ERCC6L2: variants seen among roughly 807,000 people sequenced by gnomAD.
ERCC6L2 encodes the protein ERCC excision repair 6 like 2, also known as DNA excision repair protein ERCC-6-like 2.
ERCC6L2 carries 77 observed loss-of-function variants against 132.0 expected under a neutral mutation model. That is an observed-to-expected ratio of 0.58 (90% confidence interval 0.49 to 0.71). The LOEUF (loss-of-function observed/expected upper bound fraction) is 0.71, where lower values mean the gene tolerates loss of function less well. Among genes scored for constraint, ERCC6L2 ranks in the 30% least tolerant of loss-of-function variants. The pLI is 0.00. For synonymous variants in ERCC6L2, 583 were observed against 632.4 expected, an observed-to-expected ratio of 0.92 and a Z score of 1.17; for missense variants, 1,542 against 1,837.6, an observed-to-expected ratio of 0.84 and a Z score of 2.94.
rs190694873 is a variant in ERCC6L2, at chr9:95,927,300, A to G, written c.1534-779A>G. Among the ~76,000 whole-genome samples, 64 of 152,260 alleles carry G rather than the reference A, an allele frequency of 4.2e-4. No homozygotes were observed. In the East Asian group the frequency reaches 5.8e-3, roughly 14 times the overall value. Reference sequence around the variant, plus strand: ...TTATTTAAAAGCTTAAATGTTTATCATTAAATAAATTGTTTTAGTGTTTGT... The same window carrying G: ...TTATTTAAAAGCTTAAATGTTTATCGTTAAATAAATTGTTTTAGTGTTTGT... On this transcript the variant is annotated intron_variant, in intron 9 of 18. Coordinates refer to ENST00000653738, the MANE Select transcript of ERCC6L2 (RefSeq NM_020207.7).
At chr9:95,931,477 C>T (rs542238592) in intron 11 of ERCC6L2, among the ~76,000 whole-genome samples, 1 of 152,056 alleles carries the variant, frequency 6.6e-6, no homozygotes, top group Non-Finnish European at 1.5e-5. Context: ...CTTTGTTTTC[C>T]TAGGAAATAT....
intron 19 of ERCC6L2, among the ~76,000 whole-genome samples, chr9:96,035,235 G>A (rs572536441): frequency 3.3e-5 from 5 of 152,278 alleles, no homozygotes; most frequent in South Asian, 2.1e-4. Flanking sequence ...AGAAGGGGGC[G>A]GGTCCCAGTA....
chr9:96,000,990 C>T (rs1326856985), intron 17 of ERCC6L2, among the ~76,000 whole-genome samples: 1 of 152,028 alleles, frequency 6.6e-6, no homozygotes, highest in African/African-American at 2.4e-5. Flanking sequence ...TTCGGAGTTT[C>T]TTCCTTCTGG....
At chr9:95,889,770 G>A (rs1189011871) in intron 2 of ERCC6L2, among the ~76,000 whole-genome samples, 2 of 152,002 alleles carry the variant, frequency 1.3e-5, no homozygotes, top group East Asian at 3.8e-4. Context: ...CACCATCAAG[G>A]AATTCAGTAA....
At chr9:96,036,969 T>A (rs911696477) in intron 19 of ERCC6L2, among the ~76,000 whole-genome samples, 12 of 151,266 alleles carry the variant, frequency 7.9e-5, no homozygotes, top group African/African-American at 2.9e-4. Flanking sequence ...GGTTTCACCG[T>A]TTTAGCCGGG....
intron 12 of ERCC6L2, among the ~76,000 whole-genome samples, chr9:95,952,602 T>C (rs1383448069): frequency 6.6e-6 from 1 of 152,170 alleles, no homozygotes; most frequent in Non-Finnish European, 1.5e-5. Flanking sequence ...GCCAGGCACG[T>C]TGGCTCGTGC....
intron 6 of ERCC6L2, among the ~76,000 whole-genome samples, chr9:95,917,513 G>A (rs1829657423): frequency 6.6e-6 from 1 of 152,128 alleles, no homozygotes; most frequent in Non-Finnish European, 1.5e-5. Context: ...GCAAGTTGGG[G>A]AAATAGATAC....
At position 95,923,370 on chromosome 9, in the gene ERCC6L2, A is replaced by T. The variant is rs768560795; in HGVS notation, c.1524A>T (p.Gly508=). The change falls in exon 9 of 19, where the codon GGA becomes GGT. Residue 508 remains glycine, a synonymous_variant. Coordinates refer to ENST00000653738, the MANE Select transcript of ERCC6L2 (RefSeq NM_020207.7). Reference sequence around the variant, plus strand: ...CACTTTCTGACCCTAAATACAGTGGAAAAATGAAGGTAAGTGCTCCTCTTT... The same window carrying T: ...CACTTTCTGACCCTAAATACAGTGGTAAAATGAAGGTAAGTGCTCCTCTTT... ...FETLSDPKYS[G]KMKVLQQLLN... is the part of the protein sequence containing the mutation. 6.2e-7 allele frequency: 1 copy of T among 1,612,938 alleles called. No homozygotes were observed. The highest frequency in any genetic ancestry group is 1.1e-5 in the South Asian group (1 of 90,910).
chr9:95,945,103 C>T (rs1222671532), intron 12 of ERCC6L2, among the ~76,000 whole-genome samples: 1 of 152,146 alleles, frequency 6.6e-6, no homozygotes, highest in East Asian at 1.9e-4. Flanking sequence ...GGGAGCACTA[C>T]AGGAGACTGG....
chr9:95,915,139 T>C (rs1042379121), intron 4 of ERCC6L2, among the ~76,000 whole-genome samples: 1 of 152,176 alleles, frequency 6.6e-6, no homozygotes, highest in Non-Finnish European at 1.5e-5. Flanking sequence ...TCCCCCAACA[T>C]ATGCCTGAAA....
chr9:95,876,193 C>T, intron 1 of ERCC6L2, 109 bp downstream of exon 1: 2 of 992,670 alleles, frequency 2.0e-6, no homozygotes, highest in Non-Finnish European at 1.5e-6. Context: ...AGATCCTCTT[C>T]AGTGACAGCT....
At chr9:95,893,131 G>C (rs1259753468) in intron 2 of ERCC6L2, among the ~76,000 whole-genome samples, 1 of 152,014 alleles carries the variant, frequency 6.6e-6, no homozygotes, top group African/African-American at 2.4e-5. Flanking sequence ...ACCTAATAAT[G>C]TACTGCTTCA....
downstream of ERCC6L2, among the ~76,000 whole-genome samples, chr9:96,022,139 C>T (rs888961299): frequency 6.6e-6 from 1 of 152,258 alleles, no homozygotes; most frequent in African/African-American, 2.4e-5. Context: ...TCCTGGATCC[C>T]CCTGCCAAGG....
intron 19 of ERCC6L2, among the ~76,000 whole-genome samples, chr9:96,032,465 T>C (rs941304220): frequency 2.0e-5 from 3 of 152,196 alleles, no homozygotes; most frequent in Non-Finnish European, 4.4e-5. Context: ...TGGAGGGCCA[T>C]AGCTGGCTCT....
chr9:95,890,069 TCTC>T (rs1407342655), intron 2 of ERCC6L2, among the ~76,000 whole-genome samples: 1 of 152,170 alleles, frequency 6.6e-6, no homozygotes, highest in African/African-American at 2.4e-5. Flanking sequence ...CTTCAACACA[TCTC>T]CTAACTACCT....
intron 13 of ERCC6L2, among the ~76,000 whole-genome samples, chr9:95,961,053 G>T (rs761216165): frequency 6.6e-6 from 1 of 152,124 alleles, no homozygotes; most frequent in Non-Finnish European, 1.5e-5. Flanking sequence ...AATGACAGAT[G>T]AATATCTCTC....
intron 17 of ERCC6L2, among the ~76,000 whole-genome samples, chr9:95,983,509 A>C (rs1832969921): frequency 6.6e-6 from 1 of 152,236 alleles, no homozygotes; most frequent in Non-Finnish European, 1.5e-5. Flanking sequence ...AAATTTAGGA[A>C]TAGAGGCCTC....
chr9:95,913,241 T>A (rs1473950033), intron 4 of ERCC6L2, among the ~76,000 whole-genome samples: 1 of 152,252 alleles, frequency 6.6e-6, no homozygotes, highest in Non-Finnish European at 1.5e-5. Context: ...CTAATTTTAT[T>A]ATTTCTTTTC....
Position 96,001,577 on chromosome 9 carries a change from A to G in ERCC6L2, c.3493-2943A>G, listed in dbSNP as rs552477148. Among the ~76,000 whole-genome samples, 18 of 152,252 alleles carry G rather than the reference A, an allele frequency of 1.2e-4. No individual in the cohort carries two copies. In the East Asian group the frequency reaches 2.9e-3, roughly 25 times the overall value. ...ACCTTGAGCTAGATACAGAGTGCCA[A>G]TTGGTGTATTTACAATCCCTGAGCT... On this transcript the variant is annotated intron_variant, in intron 17 of 18. Coordinates refer to ENST00000653738, the MANE Select transcript of ERCC6L2 (RefSeq NM_020207.7).
Sources: gnomAD v4.1 joint callset for allele counts (sites outside exome capture counted in the v4.1 genomes callset) on GRCh38, gnomAD v4.1.1 for gene constraint, MANE v1.5 for transcripts, NCBI Gene and HGNC (gene_info 2026-07-23, HGNC 2026-07-21) for gene names.